Variants in TTBK1 observed in about 807,000 individuals in gnomAD.
TTBK1 encodes the protein tau tubulin kinase 1.
A neutral mutation model predicts 108.5 loss-of-function variants in TTBK1; 34 were observed. The observed-to-expected ratio is 0.31, with a 90% CI of 0.24 to 0.42. The LOEUF is 0.42. Among genes scored for constraint, TTBK1 ranks in the 10% least tolerant of loss-of-function variants. The pLI is 1.00. For synonymous variants in TTBK1, 809 were observed against 795.1 expected (o/e 1.02, Z -0.29); for missense variants, 1,539 against 1,826.0 (o/e 0.84, Z 2.86).
Position 43,284,259 on chromosome 6 carries a change from C to G in TTBK1, c.3519C>G (p.Pro1173=), listed in dbSNP as rs565742365. 3 of 1,593,574 alleles carry G rather than the reference C, an allele frequency of 1.9e-6. No individual in the cohort carries two copies. The South Asian group carries it at 3.3e-5, about 18-fold the overall frequency. ...CCATGCCTGTTGCAGCCCAGCAGCC[C>G]GCCAGCAGATCCCATGGCGCGGCCC... ...RMPMPVAAQQ[P]ASRSHGAAPA... Residue 1173 remains proline (P), a synonymous_variant, in exon 14 of 15, where the codon CCC becomes CCG. Coordinates refer to ENST00000259750, the MANE Select transcript of TTBK1 (RefSeq NM_032538.3).
chr6:43,283,654 G>C lies in TTBK1; in HGVS notation c.2914G>C (p.Glu972Gln), dbSNP rs1562101537. 2 of 1,613,918 alleles carry C rather than the reference G, an allele frequency of 1.2e-6. No individual in the cohort carries two copies. Among genetic ancestry groups the C allele is most frequent in the Non-Finnish European group, 1.7e-6 (2 of 1,179,996 alleles). The change falls in exon 14 of 15, where the codon GAG becomes CAG. Residue 972 changes from glutamate to glutamine, a missense_variant. This residue lies in a region of TTBK1 where 1,055 missense variants were observed against 1,086.5 expected (regional missense o/e 0.97). Transcript: ENST00000259750. The surrounding 1 kb of genome is among the most constrained non-coding windows in gnomAD (Gnocchi z 8.1). ...GCTGGCCTCTGATGGGGGCGCTGTG[G>C]AGGAGGGGGCCCGAGCGCCCCTGGA... is the stretch of plus-strand genomic sequence containing the variant. ...LELASDGGAV[E>Q]EGARAPLENG...
Position 43,285,356 on chromosome 6 carries a change from G to A in TTBK1, c.3946G>A (p.Gly1316Ser). The change falls in exon 15 of 15, where the codon GGC becomes AGC. Residue 1316 changes from glycine (G) to serine (S), a missense_variant. Gly to Ser is a moderately conservative substitution (Grantham distance 56). Coordinates refer to ENST00000259750, the MANE Select transcript of TTBK1 (RefSeq NM_032538.3). This position sits in a 1 kb window ranked among gnomAD's most constrained non-coding sequence, Gnocchi z 4.7. ...TTKGRAGGAE[G>S]RAGAR ...CAAAGGCCGGGCAGGAGGCGCGGAG[G>A]GCCGGGCTGGGGCCAGATAATGACG... 7.8e-7 allele frequency: 1 copy of A among 1,282,702 alleles called. No individual in the cohort carries two copies. The highest frequency in any genetic ancestry group is 4.2e-5 in the Admixed American group (1 of 23,850). The allele number at this position is 1,282,702 out of a possible 1,614,324, so 79.5% of individuals were successfully genotyped here.
intron 13 of TTBK1, among the ~76,000 whole-genome samples, chr6:43,268,648 C>T (rs758194685): frequency 3.3e-5 from 5 of 152,200 alleles, no homozygotes; most frequent in Non-Finnish European, 7.3e-5. Context: ...TCTACCCCCA[C>T]ATATCTGGGA....
At position 43,262,600 on chromosome 6, in the gene TTBK1, G is replaced by A. The variant is rs541702457; in HGVS notation, c.1425-189G>A. 2.0e-4 allele frequency among the ~76,000 whole-genome samples: 30 copies of A among 152,304 alleles called. No individual in the cohort carries two copies. In the South Asian group the frequency reaches 5.8e-3, roughly 29 times the overall value. Reference sequence around the variant, plus strand: ...TGAATGAACGAACGAACTAACAAACGAACTAACAAAGCCTTGATAGGAAGT... The same window carrying A: ...TGAATGAACGAACGAACTAACAAACAAACTAACAAAGCCTTGATAGGAAGT... On this transcript the variant is annotated intron_variant, in intron 12 of 14. Transcript: ENST00000259750.
At position 43,257,898 on chromosome 6, in the gene TTBK1, T is replaced by A. The variant is rs1777421076; in HGVS notation, c.948T>A (p.Asp316Glu). ...TTGACTGGGAGAAGGCAGGCACCGATGCCCTCCTGTCCACGAGCACCTCTA... is the reference window on the plus strand; with the variant it reads ...TTGACTGGGAGAAGGCAGGCACCGAAGCCCTCCTGTCCACGAGCACCTCTA... ...EAFDWEKAGT[D>E]ALLSTSTSTP... Residue 316 changes from aspartate (D) to glutamate (E), a missense_variant, in exon 10 of 15, where the codon GAT (aspartate) becomes GAA (glutamate). Asp to Glu is a conservative substitution (Grantham distance 45, BLOSUM62 2). Around this residue, in one of 5 missense-constraint regions of TTBK1, gnomAD observed 277 missense variants for 332.4 expected, o/e 0.83. Transcript: ENST00000259750. This position sits in a 1 kb window ranked among gnomAD's most constrained non-coding sequence, Gnocchi z 4.5. 1 of 1,613,888 alleles carries A rather than the reference T, an allele frequency of 6.2e-7. No individual in the cohort carries two copies. Among genetic ancestry groups the A allele is most frequent in the African/African-American group, 1.3e-5 (1 of 74,874 alleles).
At position 43,286,525 on chromosome 6, in the gene TTBK1, CAG is replaced by C. The variant is rs1238068081; in HGVS notation, c.*1156_*1157del. ...CTCAGGCATCGTCTCCCGCAATGGG[CAG>C]AGAGAGCAGAGACAGGTGGACCAAC... is the stretch of plus-strand genomic sequence containing the variant. On this transcript the variant is annotated 3_prime_UTR_variant, in exon 15 of 15. Coordinates refer to ENST00000259750, the MANE Select transcript of TTBK1 (RefSeq NM_032538.3). The surrounding 1 kb of genome is among the most constrained non-coding windows in gnomAD (Gnocchi z 4.6). The C allele has an allele frequency of 6.6e-6, 1 of 152,480 alleles. No homozygotes were observed. Among genetic ancestry groups the C allele is most frequent in the African/African-American group, 2.4e-5 (1 of 41,446 alleles). The allele number at this position is 152,480 out of a possible 1,614,324, so 9.4% of individuals were successfully genotyped here.
rs534166651 is a variant in TTBK1 at position 43,265,912 on chromosome 6, C to G, written c.1986+2562C>G. Among the ~76,000 whole-genome samples, 2 of 152,220 alleles carry G rather than the reference C, an allele frequency of 1.3e-5. No homozygotes were observed. The highest frequency in any genetic ancestry group is 4.8e-5 in the African/African-American group (2 of 41,538). On this transcript the variant is annotated intron_variant, in intron 13 of 14. Transcript: ENST00000259750. The surrounding 1 kb of genome is among the most constrained non-coding windows in gnomAD (Gnocchi z 4.1). ...AGGTTCATCTCTAAAGTTTTTCTTA[C>G]CTGCAGATTCCTACCTGTGTCCTGG...
intron 2 of TTBK1, among the ~76,000 whole-genome samples, chr6:43,250,284 T>C (rs1298184638): frequency 6.6e-6 from 1 of 151,822 alleles, no homozygotes; most frequent in African/African-American, 2.4e-5. Flanking sequence ...GGGTCCACAG[T>C]TTCTGTAACA....
Position 43,284,030 on chromosome 6 carries a change from G to T in TTBK1, c.3290G>T (p.Arg1097Met). The T allele has an allele frequency of 1.3e-6, 2 of 1,563,324 alleles. No individual in the cohort carries two copies. Among genetic ancestry groups the T allele is most frequent in the Non-Finnish European group, 1.7e-6 (2 of 1,153,022 alleles). Residue 1097 changes from arginine (R) to methionine (M), a missense_variant, in exon 14 of 15, where the codon AGG becomes ATG. This residue lies in a region of TTBK1 where 1,055 missense variants were observed against 1,086.5 expected (regional missense o/e 0.97). Coordinates refer to ENST00000259750, the MANE Select transcript of TTBK1 (RefSeq NM_032538.3). ...CTGGCGCGGCTGGTGATGGAGAAGA[G>T]GCAGGGCCGCCTGCTGTTGCGGCTG... ...QDLARLVMEK[R>M]QGRLLLRLAS...
rs781052975 is a variant in TTBK1 at position 43,284,222 on chromosome 6, G to A, written c.3482G>A (p.Gly1161Asp). 1 of 1,594,908 alleles carries A rather than the reference G, an allele frequency of 6.3e-7. No individual in the cohort carries two copies. ...ATRSRIPRPIGLRMPMPVAAQ... is the reference protein window; with the variant it reads ...ATRSRIPRPIDLRMPMPVAAQ... ...AGGAGCCGGATTCCCCGCCCCATTG[G>A]CCTCCGCATGCCCATGCCTGTTGCA... The change falls in exon 14 of 15, where the codon GGC (glycine) becomes GAC (aspartate). Residue 1161 changes from glycine (G) to aspartate (D), a missense_variant. By Grantham distance (94) the Gly-to-Asp change is moderately conservative. This residue lies in a region of TTBK1 where 1,055 missense variants were observed against 1,086.5 expected (regional missense o/e 0.97). Transcript: ENST00000259750.
Position 43,259,630 on chromosome 6 carries a change from C to T in TTBK1, c.1348C>T (p.Arg450Cys), listed in dbSNP as rs774773187. 11 of 1,610,486 alleles carry T rather than the reference C, an allele frequency of 6.8e-6. No homozygotes were observed. Among genetic ancestry groups the T allele is most frequent in the East Asian group, 4.5e-5 (2 of 44,762 alleles). ...DSPTTPVRSL[R>C]YRRVNSPESE... is the part of the protein sequence containing the mutation. Reference sequence around the variant, plus strand: ...CCCCACAACCCCAGTCCGTTCTCTGCGCTACCGGAGGGTGAACAGCCCTGA... The same window carrying T: ...CCCCACAACCCCAGTCCGTTCTCTGTGCTACCGGAGGGTGAACAGCCCTGA... Residue 450 changes from arginine (R) to cysteine (C), a missense_variant, in exon 12 of 15, where the codon CGC becomes TGC. Arg to Cys is a radical substitution (Grantham distance 180). Around this residue, in one of 5 missense-constraint regions of TTBK1, gnomAD observed 277 missense variants for 332.4 expected, o/e 0.83. Coordinates refer to ENST00000259750, the MANE Select transcript of TTBK1 (RefSeq NM_032538.3). The surrounding 1 kb of genome is among the most constrained non-coding windows in gnomAD (Gnocchi z 6.7).
chr6:43,283,686 C>T lies in TTBK1; in HGVS notation c.2946C>T (p.Gly982=), dbSNP rs1010721497. 2.5e-6 allele frequency: 4 copies of T among 1,613,966 alleles called. No homozygotes were observed. Among genetic ancestry groups the T allele is most frequent in the Non-Finnish European group, 3.4e-6 (4 of 1,179,952 alleles). The change falls in exon 14 of 15, where the codon GGC becomes GGT. Residue 982 remains glycine (G), a synonymous_variant. Transcript: ENST00000259750. This position sits in a 1 kb window ranked among gnomAD's most constrained non-coding sequence, Gnocchi z 8.1. Reference sequence around the variant, plus strand: ...GGGCCCGAGCGCCCCTGGAGAACGGCCTCGCCCTGTCAGGGCTGAATGGGG... The same window carrying T: ...GGGCCCGAGCGCCCCTGGAGAACGGTCTCGCCCTGTCAGGGCTGAATGGGG... ...EEGARAPLEN[G]LALSGLNGAE... is the part of the protein sequence containing the mutation.
intron 13 of TTBK1, chr6:43,271,770 T>TATTTATTTA: frequency 1.0e-6 from 1 of 979,528 alleles, no homozygotes; most frequent in Non-Finnish European, 1.2e-6. Context: ...TCTATTTATT[T>TATTTATTTA]ATTTATTTAT....
rs1218962269 is a variant in TTBK1, at chr6:43,253,549, C to A, written c.331-19C>A. The A allele has an allele frequency of 3.8e-6, 6 of 1,596,394 alleles. No individual in the cohort carries two copies. The highest frequency in any genetic ancestry group is 1.1e-5 in the South Asian group (1 of 89,010). On this transcript the variant is annotated intron_variant, in intron 4 of 14. Coordinates refer to ENST00000259750, the MANE Select transcript of TTBK1 (RefSeq NM_032538.3). This position sits in a 1 kb window ranked among gnomAD's most constrained non-coding sequence, Gnocchi z 5.8. ...GATGGCTGAGGGTGAGTCTACCCCC[C>A]ACCTCCACCCCCATGCAGGGCCGGA...
chr6:43,243,635 C>T lies in TTBK1; in HGVS notation c.-128C>T, dbSNP rs111574248. 4,495 of 153,114 alleles carry T rather than the reference C, an allele frequency of 0.029. 142 individuals carry two copies. Among genetic ancestry groups the T allele is most frequent in the African/African-American group, 0.081 (3,371 of 41,364 alleles). The allele number at this position is 153,114 out of a possible 1,614,324, so 9.5% of individuals were successfully genotyped here. On this transcript the variant is annotated 5_prime_UTR_variant, in exon 1 of 15. Coordinates refer to ENST00000259750, the MANE Select transcript of TTBK1 (RefSeq NM_032538.3). This position sits in a 1 kb window ranked among gnomAD's most constrained non-coding sequence, Gnocchi z 5.5. ...CTGAGCCGCCCCCGCCCCGCCCCGG[C>T]CCCGGGGGATGCGCCGCCCCGAGCT... is the stretch of plus-strand genomic sequence containing the variant.
At position 43,269,566 on chromosome 6, in the gene TTBK1, G is replaced by A; in HGVS notation, c.1986+6216G>A. 2.1e-6 allele frequency: 3 copies of A among 1,446,492 alleles called. No individual in the cohort carries two copies. Among genetic ancestry groups the A allele is most frequent in the Non-Finnish European group, 2.7e-6 (3 of 1,093,578 alleles). 89.6% of individuals were successfully genotyped at this position (1,446,492 alleles called of 1,614,324 possible). ...GCCGGCGCCGCAGGGGCTGTGAGCG[G>A]TGGGTGGCCCCGGAGACGGAGCTGT... is the stretch of plus-strand genomic sequence containing the variant. On this transcript the variant is annotated intron_variant, in intron 13 of 14. Transcript: ENST00000259750. This position sits in a 1 kb window ranked among gnomAD's most constrained non-coding sequence, Gnocchi z 4.8.
At chr6:43,247,941 TC>T (rs1777143391) in intron 2 of TTBK1, 4 of 152,144 alleles carry the variant, frequency 2.6e-5, no homozygotes, top group Admixed American at 2.6e-4. Context: ...GAGGGGGACT[TC>T]CTGAGAGGGA....
In TTBK1 at chr6:43,285,267, C is replaced by T. The variant is rs912976623; in HGVS notation, c.3857C>T (p.Thr1286Ile). 1.5e-6 allele frequency: 2 copies of T among 1,292,280 alleles called. No individual in the cohort carries two copies. The highest frequency in any genetic ancestry group is 1.5e-5 in the African/African-American group (1 of 64,600). The allele number at this position is 1,292,280 out of a possible 1,614,324, so 80.1% of individuals were successfully genotyped here. A position where few individuals can be genotyped will look rare whatever the true frequency, so the allele number is the denominator to read the frequency against. The part of the protein sequence containing the change: ...VPPARAQPDG[T>I]PSPGGSKKGP... Reference sequence around the variant, plus strand: ...CCGGCCCGGGCCCAGCCTGATGGCACCCCCTCCCCCGGGGGCTCCAAGAAA... The same window carrying T: ...CCGGCCCGGGCCCAGCCTGATGGCATCCCCTCCCCCGGGGGCTCCAAGAAA... Residue 1286 changes from threonine to isoleucine, a missense_variant, in exon 15 of 15, where the codon ACC becomes ATC. By Grantham distance (89) the Thr-to-Ile change is moderately conservative. Around this residue, in one of 5 missense-constraint regions of TTBK1, gnomAD observed 1,055 missense variants for 1,086.5 expected, o/e 0.97. Transcript: ENST00000259750. This position sits in a 1 kb window ranked among gnomAD's most constrained non-coding sequence, Gnocchi z 4.7.
chr6:43,259,665 G>T lies in TTBK1; in HGVS notation c.1383G>T (p.Arg461Ser). The T allele has an allele frequency of 6.2e-7, 1 of 1,606,212 alleles. No individual in the cohort carries two copies. Among genetic ancestry groups the T allele is most frequent in the Non-Finnish European group, 8.5e-7 (1 of 1,176,602 alleles). The change falls in exon 12 of 15, where the codon AGG (arginine) becomes AGT (serine). Residue 461 changes from arginine to serine, a missense_variant. Coordinates refer to ENST00000259750, the MANE Select transcript of TTBK1 (RefSeq NM_032538.3). The surrounding 1 kb of genome is among the most constrained non-coding windows in gnomAD (Gnocchi z 6.7). ...YRRVNSPESE[R>S]LSTADGRVEL... is the part of the protein sequence containing the mutation. ...GGGTGAACAGCCCTGAGTCAGAAAG[G>T]CTGTCCACGGCGGACGGGCGAGTGG...
Sources: allele counts gnomAD v4.1 joint callset (sites outside exome capture counted in the v4.1 genomes callset), GRCh38; gene constraint gnomAD v4.1.1; regional missense constraint gnomAD v4.1.1; non-coding constraint Gnocchi (gnomAD v3.1); transcripts MANE v1.5; gene names NCBI Gene and HGNC (gene_info 2026-07-23, HGNC 2026-07-21).